Variants in ACAD10 observed in about 807,000 individuals in gnomAD.
The protein encoded by ACAD10 is ACAD-10.
In ACAD10, 112 loss-of-function variants were observed where a neutral mutation model predicts 116.8. The ratio of observed to expected loss-of-function variants is 0.96; its 90% CI spans 0.82 to 1.12. ACAD10 has a LOEUF of 1.12. Ranked by LOEUF, ACAD10 falls within the 50% of genes most tolerant of loss-of-function variation. ACAD10 has a pLI of 0.00. For synonymous variants in ACAD10, 486 were observed against 510.6 expected, an observed-to-expected ratio of 0.95 and a Z score of 0.65; for missense variants, 1,259 against 1,350.2, an observed-to-expected ratio of 0.93 and a Z score of 1.06.
At chr12:111,747,554 G>A (rs1383493328) in intron 16 of ACAD10, 169 bp downstream of exon 16, 1 of 1,449,580 alleles carries the variant, frequency 6.9e-7, no homozygotes, top group African/African-American at 1.4e-5. Context: ...GGTAATCCGT[G>A]GAGCACACTG....
At chr12:111,720,744 A>G (rs1305025651) in intron 7 of ACAD10, among the ~76,000 whole-genome samples, 1 of 151,988 alleles carries the variant, frequency 6.6e-6, no homozygotes, top group East Asian at 1.9e-4. Context: ...CCAGGCTGAA[A>G]ACATCTGTCT....
intron 5 of ACAD10, chr12:111,710,079 T>C (rs560526859): frequency 6.3e-6 from 2 of 317,544 alleles, no homozygotes; most frequent in Non-Finnish European, 1.2e-5. Flanking sequence ...TCATGCCAAC[T>C]TTTTTCTATT....
Position 111,712,479 on chromosome 12 carries a change from A to G in ACAD10, c.691-19A>G, listed in dbSNP as rs546528222. 18 of 1,605,858 alleles carry G rather than the reference A, an allele frequency of 1.1e-5. No individual in the cohort carries two copies. The highest frequency in any genetic ancestry group is 8.5e-7 in the Non-Finnish European group (1 of 1,175,790). Reference sequence around the variant, plus strand: ...ACAACAACAAAAAATATACATCTACATATTCTCTCTGAAACCAGGTTAATG... The same window carrying G: ...ACAACAACAAAAAATATACATCTACGTATTCTCTCTGAAACCAGGTTAATG... On this transcript the variant is annotated intron_variant, in intron 5 of 20. Transcript: ENST00000313698.
chr12:111,748,556 C>G, intron 17 of ACAD10, 81 bp downstream of exon 17: 2 of 1,493,492 alleles, frequency 1.3e-6, no homozygotes, highest in South Asian at 2.4e-5. Flanking sequence ...TGCTCTTGTT[C>G]AGGACTTGCC....
chr12:111,728,030 C>G lies in ACAD10; in HGVS notation c.1130C>G (p.Pro377Arg). ...PGLIYKDPSL[P>R]GLEPSHRRAI... ...CTCATCTACAAAGACCCTTCCCTGCCAGGCTTGGAGCCCAGCCACAGACGA... is the reference window on the plus strand; with the variant it reads ...CTCATCTACAAAGACCCTTCCCTGCGAGGCTTGGAGCCCAGCCACAGACGA... The change falls in exon 9 of 21, where the codon CCA becomes CGA. Residue 377 changes from proline (P) to arginine (R), a missense_variant. By Grantham distance (103) the Pro-to-Arg change is moderately radical. Coordinates refer to ENST00000313698, the MANE Select transcript of ACAD10 (RefSeq NM_025247.6). 6.2e-7 allele frequency: 1 copy of G among 1,614,110 alleles called. No homozygotes were observed.
intron 8 of ACAD10, among the ~76,000 whole-genome samples, chr12:111,722,307 A>G (rs1889037800): frequency 6.6e-6 from 1 of 152,058 alleles, no homozygotes. Flanking sequence ...CACGTGATCC[A>G]CCCACTTTGG....
intron 17 of ACAD10, 69 bp downstream of exon 17, chr12:111,748,544 C>A: frequency 6.3e-7 from 1 of 1,575,092 alleles, no homozygotes; most frequent in Non-Finnish European, 8.7e-7. Context: ...CTGAGGGGCC[C>A]CTGCTCTTGT....
At chr12:111,692,009 C>T (rs1223529112) in intron 1 of ACAD10, among the ~76,000 whole-genome samples, 2 of 152,068 alleles carry the variant, frequency 1.3e-5, no homozygotes, top group African/African-American at 2.4e-5. Flanking sequence ...GCTCTTGTTG[C>T]CCAGGCTGGA....
At chr12:111,700,752 T>C (rs1021292144) in intron 2 of ACAD10, among the ~76,000 whole-genome samples, 2 of 144,590 alleles carry the variant, frequency 1.4e-5, no homozygotes, top group African/African-American at 5.1e-5. Flanking sequence ...CCTCTTCTTT[T>C]TTTTTTTTTT....
At chr12:111,712,412 G>T in intron 5 of ACAD10, 86 bp from the exon 6 acceptor site, 1 of 1,203,096 alleles carries the variant, frequency 8.3e-7, no homozygotes, top group Non-Finnish European at 1.2e-6. Context: ...AAATATATAC[G>T]TGTATATATT....
At position 111,752,557 on chromosome 12, in the gene ACAD10, C is replaced by T. The variant is rs1344562721; in HGVS notation, c.2818-1215C>T. Among the ~76,000 whole-genome samples the T allele has an allele frequency of 3.3e-5, 5 of 151,538 alleles. 1 individual carries two copies. Among genetic ancestry groups the T allele is most frequent in the African/African-American group, 7.3e-5 (3 of 41,178 alleles). Reference sequence around the variant, plus strand: ...CCGGGAGGCAGAGGTTGCAGTGAGCCGAGATCGCGCCACTGCACTCCAGCC... The same window carrying T: ...CCGGGAGGCAGAGGTTGCAGTGAGCTGAGATCGCGCCACTGCACTCCAGCC... On this transcript the variant is annotated intron_variant, in intron 18 of 20. Coordinates refer to ENST00000313698, the MANE Select transcript of ACAD10 (RefSeq NM_025247.6).
At chr12:111,733,256 C>T (rs1417594214) in intron 10 of ACAD10, among the ~76,000 whole-genome samples, 1 of 152,140 alleles carries the variant, frequency 6.6e-6, no homozygotes, top group African/African-American at 2.4e-5. Context: ...CACTACCACG[C>T]TCAGCTAATT....
intron 12 of ACAD10, among the ~76,000 whole-genome samples, chr12:111,740,476 A>AG (rs1889704014): frequency 6.8e-6 from 1 of 147,674 alleles, no homozygotes; most frequent in East Asian, 2.0e-4. Context: ...AAAAAAAAAA[A>AG]AGGCCAGGTG....
chr12:111,748,800 C>T (rs770944664), intron 17 of ACAD10: 1 of 569,894 alleles, frequency 1.8e-6, no homozygotes, highest in African/African-American at 1.9e-5. Flanking sequence ...CAGCTGACCT[C>T]TAGGCCACAG....
intron 7 of ACAD10, 122 bp downstream of exon 7, chr12:111,716,084 G>A (rs973429867): frequency 5.0e-6 from 7 of 1,392,296 alleles, no homozygotes; most frequent in Middle Eastern, 2.6e-4. Context: ...TACAATTATG[G>A]GCCAGGCTTG....
chr12:111,726,439 C>T (rs531583748), intron 8 of ACAD10, among the ~76,000 whole-genome samples: 1 of 152,248 alleles, frequency 6.6e-6, no homozygotes, highest in South Asian at 2.1e-4. Flanking sequence ...CTTATTGGAA[C>T]CAGAGACCAT....
intron 8 of ACAD10, among the ~76,000 whole-genome samples, chr12:111,727,076 A>C (rs1312418725): frequency 1.3e-5 from 2 of 151,600 alleles, no homozygotes; most frequent in African/African-American, 2.4e-5. Flanking sequence ...AAATACAAAA[A>C]TTAGTCAGGC....
Position 111,745,835 on chromosome 12 carries a change from C to CTTTT in ACAD10, c.2116-288_2116-285dup, listed in dbSNP as rs532150491. 7.1e-4 allele frequency among the ~76,000 whole-genome samples: 74 copies of CTTTT among 104,740 alleles called. 1 individual carries two copies. Among genetic ancestry groups the CTTTT allele is most frequent in the Non-Finnish European group, 9.2e-4 (48 of 52,360 alleles). 68.7% of individuals were successfully genotyped at this position (104,740 alleles called of 152,430 possible). A position where few individuals can be genotyped will look rare whatever the true frequency, so the allele number is the denominator to read the frequency against. ...TACAGGCGTGAGCCACCATCTCTCT[C>CTTTT]TTTTTTTTTTTTTTTTTTTTTTTTG... On this transcript the variant is annotated intron_variant, in intron 13 of 20. Coordinates refer to ENST00000313698, the MANE Select transcript of ACAD10 (RefSeq NM_025247.6).
chr12:111,748,517 G>C, intron 17 of ACAD10, 42 bp downstream of exon 17: 3 of 1,608,248 alleles, frequency 1.9e-6, no homozygotes, highest in Non-Finnish European at 2.5e-6. Context: ...TGTGGGTCTG[G>C]TCCCCAGGAA....
Sources: allele counts gnomAD v4.1 joint callset (sites outside exome capture counted in the v4.1 genomes callset), GRCh38; gene constraint gnomAD v4.1.1; transcripts MANE v1.5; gene names NCBI Gene and HGNC (gene_info 2026-07-23, HGNC 2026-07-21).